The following TDRD12 variants were observed in gnomAD, a reference collection of about 807,000 sequenced individuals.
The protein encoded by TDRD12 is putative ATP-dependent RNA helicase TDRD12.
TDRD12 carries 158 observed loss-of-function variants against 133.5 expected under a neutral mutation model. The observed-to-expected ratio is 1.18, with a 90% confidence interval of 1.04 to 1.35. TDRD12 has a LOEUF of 1.35. Among genes scored for constraint, TDRD12 ranks in the 40% most tolerant of loss-of-function variants. TDRD12 has a pLI of 0.00. For synonymous variants in TDRD12, 460 were observed against 477.9 expected, an observed-to-expected ratio of 0.96 and a Z score of 0.49; for missense variants, 1,443 against 1,321.3, an observed-to-expected ratio of 1.09 and a Z score of -1.43.
chr19:32,740,418 G>A (rs563171374), intron 3 of TDRD12, among the ~76,000 whole-genome samples: 5 of 143,790 alleles, frequency 3.5e-5, no homozygotes, highest in Admixed American at 7.0e-5. Flanking sequence ...CATCTCCTGG[G>A]TGCTCTCTGC....
At chr19:32,821,213 T>C (rs1967376131) in exon 28 of TDRD12, 1 of 1,231,250 alleles carries the variant, frequency 8.1e-7, no homozygotes, top group Non-Finnish European at 1.1e-6. Context: ...GTTTAGACTT[T>C]CTACTTTGAG....
chr19:32,769,978 C>T lies in TDRD12; in HGVS notation c.866-2775C>T, dbSNP rs139278218. On this transcript the variant is annotated intron_variant, in intron 8 of 27. Transcript: ENST00000444215. ...ATATTTGGACGTCTTTTCATCATCT[C>T]ATTTTGTGGGTATGTGTTCTTTTTT... 6.1e-5 allele frequency among the ~76,000 whole-genome samples: 9 copies of T among 146,788 alleles called. No individual in the cohort carries two copies. The East Asian group carries it at 1.9e-3, about 30-fold the overall frequency.
chr19:32,720,189 G>A (rs1294038047), intron 1 of TDRD12, 93 bp downstream of exon 1: 10 of 1,124,334 alleles, frequency 8.9e-6, no homozygotes, highest in African/African-American at 6.5e-5. Context: ...CCCCAGCTCC[G>A]CACAGCTTCC....
rs994711893 is a variant in TDRD12, at chr19:32,731,972, T to C, written c.183+89T>C. The C allele has an allele frequency of 2.3e-6, 3 of 1,324,184 alleles. No homozygotes were observed. The African/African-American group carries it at 4.5e-5, about 20-fold the overall frequency. 82.0% of individuals were successfully genotyped at this position (1,324,184 alleles called of 1,614,324 possible). The stretch of plus-strand genomic sequence containing the variant: ...TGGCAACGATGATGATTCAAGCTTT[T>C]AGAGTATTTTAGTTTCTTACACTCA... On this transcript the variant is annotated intron_variant, in intron 2 of 27. Transcript: ENST00000444215.
In TDRD12 at chr19:32,763,493, T is replaced by C. The variant is rs141561535; in HGVS notation, c.865+6363T>C. Among the ~76,000 whole-genome samples, 20 of 152,306 alleles carry C rather than the reference T, an allele frequency of 1.3e-4. No homozygotes were observed. The South Asian group carries it at 3.1e-3, about 24-fold the overall frequency. Reference sequence around the variant, plus strand: ...AAATCGGGCTGTATTTCCCTTCCTCTAGGTTAGATAGGTTCTGATAAACTC... The same window carrying C: ...AAATCGGGCTGTATTTCCCTTCCTCCAGGTTAGATAGGTTCTGATAAACTC... On this transcript the variant is annotated intron_variant, in intron 8 of 27. Coordinates refer to ENST00000444215, the Ensembl canonical transcript of TDRD12.
At chr19:32,821,825 T>A (rs965330370), downstream of TDRD12, among the ~76,000 whole-genome samples, 1 of 152,248 alleles carries the variant, frequency 6.6e-6, no homozygotes, top group African/African-American at 2.4e-5. Context: ...TAGGCTCACT[T>A]TTATTGCACA....
At position 32,756,189 on chromosome 19, in the gene TDRD12, G is replaced by A; in HGVS notation, c.772+8G>A. The A allele has an allele frequency of 7.1e-7, 1 of 1,405,494 alleles. No homozygotes were observed. The highest frequency in any genetic ancestry group is 9.2e-7 in the Non-Finnish European group (1 of 1,082,312). 87.1% of individuals were successfully genotyped at this position (1,405,494 alleles called of 1,614,324 possible). On this transcript the variant is annotated splice_region_variant and intron_variant, in intron 7 of 27. Coordinates refer to ENST00000444215, the Ensembl canonical transcript of TDRD12. ...ATGTTCAAGGAATGGAAGGTGAGTA[G>A]ATTCTCATCATATCAATTTCCCTTA...
At chr19:32,772,577 C>T (rs1970471049) in intron 8 of TDRD12, among the ~76,000 whole-genome samples, 176 bp from the exon 9 acceptor site, 1 of 152,104 alleles carries the variant, frequency 6.6e-6, no homozygotes, top group Non-Finnish European at 1.5e-5. Context: ...AAGGTTGAGA[C>T]AAGATTTTAA....
intron 3 of TDRD12, among the ~76,000 whole-genome samples, chr19:32,741,289 C>A (rs968511367): frequency 5.3e-5 from 8 of 152,142 alleles, no homozygotes; most frequent in African/African-American, 1.7e-4. Context: ...GCCATGTTGG[C>A]CAGGCTGGTC....
intron 9 of TDRD12, among the ~76,000 whole-genome samples, chr19:32,773,150 T>A (rs1017492403): frequency 6.6e-6 from 1 of 152,210 alleles, no homozygotes. Context: ...ATTGTCCTAG[T>A]GAAGTGCAAG....
chr19:32,818,231 T>C (rs1316077971), intron 27 of TDRD12, 74 bp downstream of exon 27: 2 of 647,682 alleles, frequency 3.1e-6, no homozygotes, highest in East Asian at 2.7e-5. Flanking sequence ...GGACAGTGCA[T>C]GGGGACACCT....
chr19:32,790,775 G>A (rs1971046901), intron 12 of TDRD12, 184 bp downstream of exon 12: 2 of 1,499,542 alleles, frequency 1.3e-6, no homozygotes, highest in Non-Finnish European at 1.8e-6. Flanking sequence ...ATTGTTCCTT[G>A]TTTTTTGGAT....
At chr19:32,800,657 G>A (rs1971360632) in exon 18 of TDRD12, 2 of 1,535,096 alleles carry the variant, frequency 1.3e-6, no homozygotes, top group East Asian at 4.9e-5. Context: ...GTACATCTTT[G>A]CCTAGAATGT....
At chr19:32,812,816 A>G (rs1967052391) in intron 24 of TDRD12, among the ~76,000 whole-genome samples, 1 of 152,188 alleles carries the variant, frequency 6.6e-6, no homozygotes, top group Non-Finnish European at 1.5e-5. Flanking sequence ...TGCTTTGTTC[A>G]TGTGAAAATG....
At chr19:32,734,894 G>A (rs148795815) in intron 2 of TDRD12, among the ~76,000 whole-genome samples, 4 of 152,126 alleles carry the variant, frequency 2.6e-5, no homozygotes, top group Admixed American at 6.5e-5. Flanking sequence ...AGTGATCTGT[G>A]GCCAGTGATC....
chr19:32,810,869 G>A (rs1281803248), intron 23 of TDRD12, among the ~76,000 whole-genome samples: 8 of 152,120 alleles, frequency 5.3e-5, no homozygotes, highest in Middle Eastern at 3.4e-3. Context: ...TCCAGCCGGG[G>A]CCACAGAGCA....
intron 8 of TDRD12, among the ~76,000 whole-genome samples, chr19:32,759,554 G>A (rs1401789109): frequency 6.6e-6 from 1 of 152,104 alleles, no homozygotes; most frequent in East Asian, 1.9e-4. Flanking sequence ...AGGAGGCAGA[G>A]GTTTCAGTGA....
chr19:32,758,618 A>G (rs1303277264), intron 8 of TDRD12, among the ~76,000 whole-genome samples: 1 of 152,102 alleles, frequency 6.6e-6, no homozygotes, highest in East Asian at 1.9e-4. Flanking sequence ...AAAACCTGTC[A>G]TCTCACTAAC....
At chr19:32,728,701 A>G (rs1184980957) in intron 1 of TDRD12, among the ~76,000 whole-genome samples, 1 of 142,058 alleles carries the variant, frequency 7.0e-6, no homozygotes, top group East Asian at 2.0e-4. Flanking sequence ...GCTGGAGTGC[A>G]GTGGCGCGAT....
Sources: gnomAD v4.1 joint callset for allele counts (sites outside exome capture counted in the v4.1 genomes callset) on GRCh38, gnomAD v4.1.1 for gene constraint, MANE v1.5 for transcripts, NCBI Gene and HGNC (gene_info 2026-07-23, HGNC 2026-07-21) for gene names.